ZBTB38: variants seen among roughly 807,000 people sequenced by gnomAD.
ZBTB38 encodes zinc finger and BTB domain-containing protein 38.
ZBTB38 carries 20 observed loss-of-function variants against 76.8 expected under a neutral mutation model. The ratio of observed to expected loss-of-function variants is 0.26; its 90% CI spans 0.18 to 0.38. The LOEUF (loss-of-function observed/expected upper bound fraction) is 0.38. Among genes scored for constraint, ZBTB38 ranks in the 10% least tolerant of loss-of-function variants. The pLI, the probability that ZBTB38 is intolerant of heterozygous loss-of-function variation, is 1.00. For missense variants in ZBTB38, 1,082 were observed against 1,482.3 expected (o/e 0.73, Z 4.43); for synonymous variants, 504 against 544.2 (o/e 0.93, Z 1.03).
chr3:141,417,058 T>A (rs2074223285), intron 5 of ZBTB38, among the ~76,000 whole-genome samples: 1 of 152,186 alleles, frequency 6.6e-6, no homozygotes, highest in South Asian at 2.1e-4. Context: ...AGGGAGCTTG[T>A]TAGAAATGAG....
At chr3:141,425,561 G>A (rs977065158) in intron 5 of ZBTB38, among the ~76,000 whole-genome samples, 3 of 152,186 alleles carry the variant, frequency 2.0e-5, no homozygotes, top group Non-Finnish European at 4.4e-5. Flanking sequence ...GCCCTGCACC[G>A]AGGGACATGC....
At chr3:141,430,771 C>T (rs2077317755) in intron 5 of ZBTB38, among the ~76,000 whole-genome samples, 1 of 152,144 alleles carries the variant, frequency 6.6e-6, no homozygotes, top group Non-Finnish European at 1.5e-5. Flanking sequence ...GAGGTTCACT[C>T]TTCTTCAGAA....
intron 4 of ZBTB38, among the ~76,000 whole-genome samples, chr3:141,390,545 T>TC (rs1164232791): frequency 2.6e-5 from 4 of 152,232 alleles, no homozygotes; most frequent in Non-Finnish European, 5.9e-5. Context: ...GGACTGGGAA[T>TC]CAGACTATGA....
At chr3:141,391,975 C>T (rs1271905116) in intron 4 of ZBTB38, among the ~76,000 whole-genome samples, 1 of 152,180 alleles carries the variant, frequency 6.6e-6, no homozygotes, top group Non-Finnish European at 1.5e-5. Flanking sequence ...TTCTTAAGAA[C>T]CAGAACTCTT....
Position 141,442,846 on chromosome 3 carries a change from A to G in ZBTB38, c.458A>G (p.His153Arg), listed in dbSNP as rs1264682833. 1.2e-6 allele frequency: 2 copies of G among 1,614,138 alleles called. No individual in the cohort carries two copies. Among genetic ancestry groups the G allele is most frequent in the African/African-American group, 1.3e-5 (1 of 74,952 alleles). The change falls in exon 6 of 6, where the codon CAT becomes CGT. Residue 153 changes from histidine (H) to arginine (R), a missense_variant. Physicochemically the swap from His to Arg is conservative, Grantham distance 29. Coordinates refer to ENST00000321464, the MANE Select transcript of ZBTB38 (RefSeq NM_001376113.1). The surrounding 1 kb of genome is among the most constrained non-coding windows in gnomAD (Gnocchi z 6.4). Reference protein sequence around the residue: ...VVKEEKNEKRHEEPAITNGPR... With the variant: ...VVKEEKNEKRREEPAITNGPR... ...AAAGAAGAAAAAAATGAAAAAAGGC[A>G]TGAAGAACCAGCCATCACTAATGGG...
At chr3:141,325,838 A>T (rs143241188) in intron 1 of ZBTB38, among the ~76,000 whole-genome samples, 2 of 152,298 alleles carry the variant, frequency 1.3e-5, no homozygotes, top group Non-Finnish European at 2.9e-5. Flanking sequence ...AAATAAATAT[A>T]CATCTTAGCT....
Position 141,444,984 on chromosome 3 carries a change from C to T in ZBTB38, c.2596C>T (p.Pro866Ser), listed in dbSNP as rs780190403. ...SKLFYKRGRR[P>S]KYQMQEEPLP... is the part of the protein sequence containing the mutation. The stretch of plus-strand genomic sequence containing the variant: ...ATTGTTTTATAAAAGAGGGAGAAGA[C>T]CCAAGTATCAGATGCAGGAGGAGCC... The change falls in exon 6 of 6, where the codon CCC becomes TCC. Residue 866 changes from proline (P) to serine (S), a missense_variant. Physicochemically the swap from Pro to Ser is moderately conservative, Grantham distance 74. Coordinates refer to ENST00000321464, the MANE Select transcript of ZBTB38 (RefSeq NM_001376113.1). The surrounding 1 kb of genome is among the most constrained non-coding windows in gnomAD (Gnocchi z 5.1). 20 of 1,614,094 alleles carry T rather than the reference C, an allele frequency of 1.2e-5. No homozygotes were observed. The highest frequency in any genetic ancestry group is 8.9e-5 in the East Asian group (4 of 44,878).
In ZBTB38 at chr3:141,444,498, G is replaced by A. The variant is rs373442841; in HGVS notation, c.2110G>A (p.Ala704Thr). 62 of 1,614,010 alleles carry A rather than the reference G, an allele frequency of 3.8e-5. No individual in the cohort carries two copies. The highest frequency in any genetic ancestry group is 2.9e-4 in the East Asian group (13 of 44,902). The change falls in exon 6 of 6, where the codon GCC (alanine) becomes ACC (threonine). Residue 704 changes from alanine to threonine, a missense_variant. Coordinates refer to ENST00000321464, the MANE Select transcript of ZBTB38 (RefSeq NM_001376113.1). The surrounding 1 kb of genome is among the most constrained non-coding windows in gnomAD (Gnocchi z 5.1). ...TTTGAGTAATAGCAGTGAGAATGCC[G>A]CCTCTGTGATCAGCTACAGTGGCTC... ...LSLSNSSENA[A>T]SVISYSGSAP...
At position 141,374,214 on chromosome 3, in the gene ZBTB38, T is replaced by C. The variant is rs147909140; in HGVS notation, c.-235+4268T>C. Among the ~76,000 whole-genome samples the C allele has an allele frequency of 4.9e-3, 740 of 152,330 alleles. 6 individuals are homozygous for C. The highest frequency in any genetic ancestry group is 0.017 in the African/African-American group (701 of 41,568). On this transcript the variant is annotated intron_variant, in intron 2 of 5. Coordinates refer to ENST00000321464, the MANE Select transcript of ZBTB38 (RefSeq NM_001376113.1). ...ATTGTTATTATCATTATTTTAAAGATTTTTTTGTCTTTCTAAATTGACTTT... is the reference window on the plus strand; with the variant it reads ...ATTGTTATTATCATTATTTTAAAGACTTTTTTGTCTTTCTAAATTGACTTT...
rs1393214843 is a variant in ZBTB38 at position 141,446,259 on chromosome 3, A to G, written c.*283A>G. 1 of 247,298 alleles carries G rather than the reference A, an allele frequency of 4.0e-6. No homozygotes were observed. The highest frequency in any genetic ancestry group is 2.3e-5 in the African/African-American group (1 of 44,422). The allele number at this position is 247,298 out of a possible 1,614,324, so 15.3% of individuals were successfully genotyped here. A position where few individuals can be genotyped will look rare whatever the true frequency, so the allele number is the denominator to read the frequency against. ...TTAGCTGTGGTATTTCTACCAGTGA[A>G]AAAAGGAGTTTAATTTTAGCCTAGT... On this transcript the variant is annotated 3_prime_UTR_variant, in exon 6 of 6. Coordinates refer to ENST00000321464, the MANE Select transcript of ZBTB38 (RefSeq NM_001376113.1).
rs1240643704 is a variant in ZBTB38 at position 141,445,520 on chromosome 3, A to C, written c.3132A>C (p.Gly1044=). 2.5e-6 allele frequency: 4 copies of C among 1,614,100 alleles called. No individual in the cohort carries two copies. Among genetic ancestry groups the C allele is most frequent in the Admixed American group, 1.7e-5 (1 of 60,014 alleles). ...GEKPYQCKTC[G]RCFSVQGNLQ... ...AGCCATACCAGTGCAAGACCTGCGG[A>C]CGGTGCTTTTCGGTGCAAGGAAACT... Residue 1044 remains glycine (G), a synonymous_variant, in exon 6 of 6, where the codon GGA becomes GGC. Transcript: ENST00000321464. The surrounding 1 kb of genome is among the most constrained non-coding windows in gnomAD (Gnocchi z 6.5).
chr3:141,435,011 T>C (rs1300832785), intron 5 of ZBTB38, among the ~76,000 whole-genome samples: 1 of 151,954 alleles, frequency 6.6e-6, no homozygotes, highest in Non-Finnish European at 1.5e-5. Context: ...CACATGTCTG[T>C]TGTCCCAGCT....
At position 141,445,956 on chromosome 3, in the gene ZBTB38, G is replaced by GT. The variant is rs2081058211; in HGVS notation, c.3569dup (p.Glu1191GlyfsTer11). 1 of 1,582,888 alleles carries GT rather than the reference G, an allele frequency of 6.3e-7. No individual in the cohort carries two copies. The highest frequency in any genetic ancestry group is 1.7e-5 in the Admixed American group (1 of 57,176). On this transcript the variant is annotated frameshift_variant, in exon 6 of 6. Transcript: ENST00000321464. LOFTEE classifies it high-confidence loss of function. The surrounding 1 kb of genome is among the most constrained non-coding windows in gnomAD (Gnocchi z 6.5). ...CCAAAAGGATAACATACAAACCGGT[G>GT]TGGAAAATGTTGTCCTTTGAGTGGC... is the stretch of plus-strand genomic sequence containing the variant.
intron 1 of ZBTB38, among the ~76,000 whole-genome samples, chr3:141,326,473 TTTATC>T (rs1942678502): frequency 1.3e-5 from 2 of 152,174 alleles, no homozygotes; most frequent in Admixed American, 1.3e-4. Context: ...GGGTTAAGGT[TTTATC>T]TTATCAGAGT....
chr3:141,389,634 A>T, intron 4 of ZBTB38: 1 of 152,204 alleles, frequency 6.6e-6, no homozygotes, highest in Non-Finnish European at 1.5e-5. Context: ...CAATAGGATC[A>T]AGCTAATTGT....
intron 5 of ZBTB38, among the ~76,000 whole-genome samples, chr3:141,423,026 T>C (rs934340717): frequency 6.6e-6 from 1 of 152,236 alleles, no homozygotes; most frequent in Admixed American, 6.5e-5. Context: ...TGGTTTTGCA[T>C]GTGCCTTCCA....
chr3:141,391,562 G>C (rs1029785274), intron 4 of ZBTB38, among the ~76,000 whole-genome samples: 1 of 152,222 alleles, frequency 6.6e-6, no homozygotes. Context: ...AACTGCTTCA[G>C]AAGGTAGAGT....
chr3:141,334,566 T>C (rs1321128311), intron 1 of ZBTB38, among the ~76,000 whole-genome samples: 1 of 152,058 alleles, frequency 6.6e-6, no homozygotes, highest in Non-Finnish European at 1.5e-5. Flanking sequence ...TTAGGTTAGC[T>C]GTACATGGGA....
chr3:141,400,169 A>T (rs917048611), intron 4 of ZBTB38, among the ~76,000 whole-genome samples: 3 of 152,166 alleles, frequency 2.0e-5, no homozygotes, highest in Non-Finnish European at 1.5e-5. Context: ...AAGAATGATT[A>T]AGAGAGAGAA....
Sources: gnomAD v4.1 joint callset for allele counts (sites outside exome capture counted in the v4.1 genomes callset) on GRCh38, gnomAD v4.1.1 for gene constraint, Gnocchi (gnomAD v3.1) non-coding constraint, MANE v1.5 for transcripts, NCBI Gene and HGNC (gene_info 2026-07-23, HGNC 2026-07-21) for gene names.